SNAI2: variants seen among roughly 807,000 people sequenced by gnomAD.
The protein encoded by SNAI2 is zinc finger protein SNAI2.
Under a neutral mutation model 22.4 loss-of-function variants are expected in SNAI2, and 2 were observed. The ratio of observed to expected loss-of-function variants is 0.09; its 90% confidence interval spans 0.04 to 0.28. The LOEUF is 0.28. Among genes scored for constraint, SNAI2 ranks in the 10% least tolerant of loss-of-function variants. SNAI2 has a pLI of 1.00. For synonymous variants in SNAI2, 134 were observed against 123.0 expected (o/e 1.09, Z -0.59); for missense variants, 239 against 320.8 (o/e 0.75, Z 1.95).
Position 48,918,897 on chromosome 8 carries a change from C to T in SNAI2, c.717G>A (p.Lys239=), listed in dbSNP as rs1343638185. ...RAHLQTHSDV[K]KYQCKNCSKT... ...TGGAGCAGTTTTTGCACTGGTATTT[C>T]TTTACATCAGAATGGGTCTGCAGAT... Residue 239 remains lysine (K), a synonymous_variant, in exon 3 of 3, where the codon AAG becomes AAA. Coordinates refer to ENST00000020945, the MANE Select transcript of SNAI2 (RefSeq NM_003068.5). The T allele has an allele frequency of 6.2e-7, 1 of 1,614,102 alleles. No individual in the cohort carries two copies. Among genetic ancestry groups the T allele is most frequent in the South Asian group, 1.1e-5 (1 of 91,078 alleles).
rs796262292 is a variant in SNAI2, at chr8:48,920,503, G to C, written c.80-62C>G. 7.6e-5 allele frequency: 105 copies of C among 1,378,020 alleles called. No individual in the cohort carries two copies. The African/African-American group carries it at 1.3e-3, about 17-fold the overall frequency. 85.4% of individuals were successfully genotyped at this position (1,378,020 alleles called of 1,614,324 possible). A position where few individuals can be genotyped will look rare whatever the true frequency, so the allele number is the denominator to read the frequency against. The stretch of plus-strand genomic sequence containing the variant: ...AAAATAATTAAAAATAAATCCACAC[G>C]CAAGTATACACACACTGGAAAGATA... On this transcript the variant is annotated intron_variant, in intron 1 of 2. Transcript: ENST00000020945.
chr8:48,919,966 A>G lies in SNAI2; in HGVS notation c.555T>C (p.Cys185=). The change falls in exon 2 of 3, where the codon TGT becomes TGC. Residue 185 remains cysteine (C), a synonymous_variant. Transcript: ENST00000020945. ...KMHIRTHTLP[C]VCKICGKAFS... ...ACGCCTTGCCGCAGATCTTGCAAAC[A>G]CAAGGTAATGTGTGGGTCCGAATAT... 6.2e-7 allele frequency: 1 copy of G among 1,614,206 alleles called. No homozygotes were observed. Among genetic ancestry groups the G allele is most frequent in the African/African-American group, 1.3e-5 (1 of 75,050 alleles).
intron 2 of SNAI2, among the ~76,000 whole-genome samples, chr8:48,919,195 A>T (rs368822527): frequency 1.7e-3 from 255 of 152,336 alleles, no homozygotes; most frequent in South Asian, 9.1e-3. Flanking sequence ...ATCATACACG[A>T]ATATTATTAC....
In SNAI2 at chr8:48,921,156, C is replaced by T. The variant is rs111984655; in HGVS notation, c.79+31G>A. The T allele has an allele frequency of 2.4e-5, 35 of 1,437,554 alleles. 1 individual carries two copies. The African/African-American group carries it at 2.8e-4, about 11-fold the overall frequency. 89.0% of individuals were successfully genotyped at this position (1,437,554 alleles called of 1,614,324 possible). ...ATTCATATTTGCAAAGCTCTAGATA[C>T]GTAGTTCTAGATATATTTTTCTCTT... On this transcript the variant is annotated intron_variant, in intron 1 of 2. Coordinates refer to ENST00000020945, the MANE Select transcript of SNAI2 (RefSeq NM_003068.5).
rs1370042396 is a variant in SNAI2, at chr8:48,920,104, A to C, written c.417T>G (p.Thr139=). ...GCTTATGTTTGGCCAGCCCAGAAAA[A>C]GTTGAATAGGTCTTATTGCATAAAT... is the stretch of plus-strand genomic sequence containing the variant. ...QCNLCNKTYS[T]FSGLAKHKQL... The change falls in exon 2 of 3, where the codon ACT becomes ACG. Residue 139 remains threonine, a synonymous_variant. Transcript: ENST00000020945. The C allele has an allele frequency of 2.6e-5, 42 of 1,614,086 alleles. No homozygotes were observed. Among genetic ancestry groups the C allele is most frequent in the Non-Finnish European group, 3.6e-5 (42 of 1,180,058 alleles).
chr8:48,920,105 G>T lies in SNAI2; in HGVS notation c.416C>A (p.Thr139Asn), dbSNP rs1806138935. ...QCNLCNKTYS[T>N]FSGLAKHKQL... Reference sequence around the variant, plus strand: ...CTTATGTTTGGCCAGCCCAGAAAAAGTTGAATAGGTCTTATTGCATAAATT... The same window carrying T: ...CTTATGTTTGGCCAGCCCAGAAAAATTTGAATAGGTCTTATTGCATAAATT... The change falls in exon 2 of 3, where the codon ACT (threonine) becomes AAT (asparagine). Residue 139 changes from threonine to asparagine, a missense_variant. Around this residue, in one of 3 missense-constraint regions of SNAI2, gnomAD observed 183 missense variants for 190.4 expected, o/e 0.96. Coordinates refer to ENST00000020945, the MANE Select transcript of SNAI2 (RefSeq NM_003068.5). The T allele has an allele frequency of 4.3e-6, 7 of 1,614,118 alleles. No homozygotes were observed. The highest frequency in any genetic ancestry group is 5.9e-6 in the Non-Finnish European group (7 of 1,180,058).
rs974218875 is a variant in SNAI2 at position 48,918,664 on chromosome 8, T to G, written c.*143A>C. 2 of 719,146 alleles carry G rather than the reference T, an allele frequency of 2.8e-6. No individual in the cohort carries two copies. Among genetic ancestry groups the G allele is most frequent in the Non-Finnish European group, 4.9e-6 (2 of 404,068 alleles). The allele number at this position is 719,146 out of a possible 1,614,324, so 44.5% of individuals were successfully genotyped here. A position where few individuals can be genotyped will look rare whatever the true frequency, so the allele number is the denominator to read the frequency against. ...TTGCAGCTCTCTCTCTGTGGGTGTG[T>G]GTGTGTGTGTGTGCATATGTGTGTG... On this transcript the variant is annotated 3_prime_UTR_variant, in exon 3 of 3. Transcript: ENST00000020945.
chr8:48,920,513 A>G (rs2117649373), intron 1 of SNAI2, 72 bp from the exon 2 acceptor site: 1 of 1,309,492 alleles, frequency 7.6e-7, no homozygotes, highest in Admixed American at 1.7e-5. Flanking sequence ...GCAAGTATAC[A>G]CACACTGGAA....
chr8:48,920,283 A>T lies in SNAI2; in HGVS notation c.238T>A (p.Ser80Thr), dbSNP rs1300597470. Residue 80 changes from serine (S) to threonine (T), a missense_variant, in exon 2 of 3, where the codon TCC (serine) becomes ACC (threonine). Around this residue, in one of 3 missense-constraint regions of SNAI2, gnomAD observed 183 missense variants for 190.4 expected, o/e 0.96. Transcript: ENST00000020945. ...PNGLSPLSGY[S>T]SSLGRVSPPP... is the part of the protein sequence containing the mutation. ...GGACTCACTCGCCCCAAAGATGAGG[A>T]GTATCCGGAAAGAGGAGAGAGGCCA... 1.9e-6 allele frequency: 3 copies of T among 1,613,184 alleles called. No individual in the cohort carries two copies. In the African/African-American group the frequency reaches 4.0e-5, roughly 22 times the overall value.
chr8:48,918,469 T>C lies in SNAI2; in HGVS notation c.*338A>G. Reference sequence around the variant, plus strand: ...TTCAGTTGAAATGATTTGGCAGCAATGTAAATCTTTGCATTTTTTTAGGAA... The same window carrying C: ...TTCAGTTGAAATGATTTGGCAGCAACGTAAATCTTTGCATTTTTTTAGGAA... On this transcript the variant is annotated 3_prime_UTR_variant, in exon 3 of 3. Transcript: ENST00000020945. 3.1e-6 allele frequency: 1 copy of C among 323,580 alleles called. No homozygotes were observed. Among genetic ancestry groups the C allele is most frequent in the Non-Finnish European group, 5.9e-6 (1 of 170,526 alleles). The allele number at this position is 323,580 out of a possible 1,614,324, so 20.0% of individuals were successfully genotyped here.
At chr8:48,919,834 C>T (rs1359543588) in intron 2 of SNAI2, 62 bp downstream of exon 2, 2 of 1,537,912 alleles carry the variant, frequency 1.3e-6, no homozygotes, top group Admixed American at 3.3e-5. Context: ...GCAAATCCAA[C>T]AGCCAGCCCA....
Position 48,917,816 on chromosome 8 carries a change from T to C in SNAI2, c.*991A>G, listed in dbSNP as rs1360610810. The stretch of plus-strand genomic sequence containing the variant: ...TAAAAAAAACTTGAAAATTGTTTTT[T>C]AAAAAAGAAACATTGATTTCACAAG... On this transcript the variant is annotated 3_prime_UTR_variant, in exon 3 of 3. Coordinates refer to ENST00000020945, the MANE Select transcript of SNAI2 (RefSeq NM_003068.5). The C allele has an allele frequency of 2.0e-5, 3 of 152,152 alleles. No homozygotes were observed. The highest frequency in any genetic ancestry group is 7.2e-5 in the African/African-American group (3 of 41,432). The allele number at this position is 152,152 out of a possible 1,614,324, so 9.4% of individuals were successfully genotyped here. A position where few individuals can be genotyped will look rare whatever the true frequency, so the allele number is the denominator to read the frequency against.
In SNAI2 at chr8:48,921,399, C is replaced by T; in HGVS notation, c.-134G>A. ...GGTGCGGCAGACGGACGGGCCGGCG[C>T]CTCTGAAGTCACCCGGCTCCTTTAC... is the stretch of plus-strand genomic sequence containing the variant. On this transcript the variant is annotated 5_prime_UTR_variant, in exon 1 of 3. Coordinates refer to ENST00000020945, the MANE Select transcript of SNAI2 (RefSeq NM_003068.5). 1.4e-6 allele frequency: 1 copy of T among 726,156 alleles called. No homozygotes were observed. Among genetic ancestry groups the T allele is most frequent in the Non-Finnish European group, 2.4e-6 (1 of 409,720 alleles). 45.0% of individuals were successfully genotyped at this position (726,156 alleles called of 1,614,324 possible).
Position 48,920,130 on chromosome 8 carries a change from T to A in SNAI2, c.391A>T (p.Asn131Tyr), listed in dbSNP as rs1243515213. 3 of 1,614,120 alleles carry A rather than the reference T, an allele frequency of 1.9e-6. No homozygotes were observed. Among genetic ancestry groups the A allele is most frequent in the Non-Finnish European group, 2.5e-6 (3 of 1,180,052 alleles). ...GTTGAATAGGTCTTATTGCATAAATTGCACTGAAACTTTTCAGCTTCAATG... is the reference window on the plus strand; with the variant it reads ...GTTGAATAGGTCTTATTGCATAAATAGCACTGAAACTTTTCAGCTTCAATG... The part of the protein sequence containing the change: ...HAIEAEKFQC[N>Y]LCNKTYSTFS... The change falls in exon 2 of 3, where the codon AAT becomes TAT. Residue 131 changes from asparagine to tyrosine, a missense_variant. Asn to Tyr is a moderately radical substitution (Grantham distance 143, BLOSUM62 -2). Around this residue, in one of 3 missense-constraint regions of SNAI2, gnomAD observed 183 missense variants for 190.4 expected, o/e 0.96. Coordinates refer to ENST00000020945, the MANE Select transcript of SNAI2 (RefSeq NM_003068.5).
rs1257482582 is a variant in SNAI2 at position 48,920,456 on chromosome 8, G to A, written c.80-15C>T. ...GGAAATAATCACTGGGAAAGAAAAG[G>A]GAGGGAGAGAAGATTAAGGCAAAAA... is the stretch of plus-strand genomic sequence containing the variant. On this transcript the variant is annotated splice_polypyrimidine_tract_variant and intron_variant, in intron 1 of 2. Coordinates refer to ENST00000020945, the MANE Select transcript of SNAI2 (RefSeq NM_003068.5). 1 of 1,611,378 alleles carries A rather than the reference G, an allele frequency of 6.2e-7. No individual in the cohort carries two copies. The highest frequency in any genetic ancestry group is 1.7e-5 in the Admixed American group (1 of 59,990).
chr8:48,919,422 C>G (rs1340154340), intron 2 of SNAI2, among the ~76,000 whole-genome samples: 1 of 152,166 alleles, frequency 6.6e-6, no homozygotes, highest in African/African-American at 2.4e-5. Context: ...AGCAAAAAAT[C>G]CCCAAACAAA....
chr8:48,919,875 T>C (rs772871395), intron 2 of SNAI2, 21 bp downstream of exon 2: 5 of 1,611,572 alleles, frequency 3.1e-6, no homozygotes, highest in Non-Finnish European at 3.4e-6. Context: ...GTAACATTCC[T>C]GCCTATGGTT....
rs2117648826 is a variant in SNAI2, at chr8:48,920,160, G to A, written c.361C>T (p.His121Tyr). 1 of 1,614,230 alleles carries A rather than the reference G, an allele frequency of 6.2e-7. No individual in the cohort carries two copies. Among genetic ancestry groups the A allele is most frequent in the Non-Finnish European group, 8.5e-7 (1 of 1,180,046 alleles). Residue 121 changes from histidine to tyrosine, a missense_variant, in exon 2 of 3, where the codon CAT (histidine) becomes TAT (tyrosine). Coordinates refer to ENST00000020945, the MANE Select transcript of SNAI2 (RefSeq NM_003068.5). ...TGAAACTTTTCAGCTTCAATGGCAT[G>A]GGGGTCTGAAAGCTTGGACTGTAGT... Reference protein sequence around the residue: ...ERLQSKLSDPHAIEAEKFQCN... With the variant: ...ERLQSKLSDPYAIEAEKFQCN...
At chr8:48,919,082 G>T in intron 2 of SNAI2, 94 bp from the exon 3 acceptor site, 1 of 1,282,712 alleles carries the variant, frequency 7.8e-7, no homozygotes, top group Non-Finnish European at 1.1e-6. Context: ...ATCACATTTT[G>T]CTTAAATAAT....
Sources: allele counts gnomAD v4.1 joint callset (sites outside exome capture counted in the v4.1 genomes callset), GRCh38; gene constraint gnomAD v4.1.1; regional missense constraint gnomAD v4.1.1; transcripts MANE v1.5; gene names NCBI Gene and HGNC (gene_info 2026-07-23, HGNC 2026-07-21).